The following MPDZ variants were observed in gnomAD, a reference collection of about 807,000 sequenced individuals.
MPDZ encodes multiple PDZ domain crumbs cell polarity complex component, also known as multiple PDZ domain protein.
Under a neutral mutation model 239.1 loss-of-function variants are expected in MPDZ, and 234 were observed. The observed-to-expected ratio is 0.98, with a 90% CI of 0.88 to 1.09. The LOEUF is 1.09. Ranked by LOEUF, MPDZ falls within the 50% of genes least tolerant of loss-of-function variation. MPDZ has a pLI of 0.00. For missense variants in MPDZ, 3,175 were observed against 2,510.0 expected, an observed-to-expected ratio of 1.26 and a Z score of -5.66; for synonymous variants, 1,048 against 881.3, an observed-to-expected ratio of 1.19 and a Z score of -3.35.
rs1183414338 is a variant in MPDZ at position 13,205,102 on chromosome 9, A to G, written c.1480T>C (p.Tyr494His). The change falls in exon 12 of 47, where the codon TAT becomes CAT. Residue 494 changes from tyrosine (Y) to histidine (H), a missense_variant. Physicochemically the swap from Tyr to His is moderately conservative, Grantham distance 83. Transcript: ENST00000319217. ...GATAAAAAATCTTCATCTTTTTCAT[A>G]ATTTTCTTAAAGATAAAAATATTTT... ...PVNASIIKEN[Y>H]EKDEDFLSST... 1.3e-5 allele frequency: 18 copies of G among 1,401,760 alleles called. No individual in the cohort carries two copies. The highest frequency in any genetic ancestry group is 1.7e-5 in the Non-Finnish European group (18 of 1,061,814). The allele number at this position is 1,401,760 out of a possible 1,614,324, so 86.8% of individuals were successfully genotyped here.
chr9:13,241,747 G>T (rs1005311894), intron 3 of MPDZ, among the ~76,000 whole-genome samples: 1 of 152,132 alleles, frequency 6.6e-6, no homozygotes, highest in Non-Finnish European at 1.5e-5. Context: ...AATGATAAAT[G>T]TAAGAAATTA....
chr9:13,150,487 C>A, intron 25 of MPDZ, 24 bp downstream of exon 25: 2 of 1,442,440 alleles, frequency 1.4e-6, no homozygotes, highest in Non-Finnish European at 1.8e-6. Flanking sequence ...CAAATTTTAG[C>A]ACAGAAAGCT....
At chr9:13,190,079 G>C (rs760070322) in intron 16 of MPDZ, 35 bp downstream of exon 16, 1 of 1,555,156 alleles carries the variant, frequency 6.4e-7, no homozygotes, top group Non-Finnish European at 8.8e-7. Context: ...GCAACAATAG[G>C]CCTTTAAAAA....
Position 13,258,942 on chromosome 9 carries a change from T to C in MPDZ, c.-57-8570A>G, listed in dbSNP as rs117321940. 2.0e-5 allele frequency among the ~76,000 whole-genome samples: 3 copies of C among 152,084 alleles called. No homozygotes were observed. In the South Asian group the frequency reaches 6.2e-4, roughly 32 times the overall value. ...TTTCTTTATGAAACTGCCAGATAAATTACCTGAAATGGAAATGCTGTAGTC... is the reference window on the plus strand; with the variant it reads ...TTTCTTTATGAAACTGCCAGATAAACTACCTGAAATGGAAATGCTGTAGTC... On this transcript the variant is annotated intron_variant, in intron 1 of 46. Coordinates refer to ENST00000319217, the MANE Select transcript of MPDZ (RefSeq NM_001378778.1).
At chr9:13,245,800 T>C (rs967217675) in intron 3 of MPDZ, among the ~76,000 whole-genome samples, 1 of 152,176 alleles carries the variant, frequency 6.6e-6, no homozygotes, top group Non-Finnish European at 1.5e-5. Context: ...CATATTCTAC[T>C]TCCATATGGA....
intron 39 of MPDZ, among the ~76,000 whole-genome samples, chr9:13,115,751 C>T (rs902936910): frequency 4.6e-5 from 7 of 151,948 alleles, no homozygotes; most frequent in African/African-American, 1.7e-4. Context: ...CAAGACCATC[C>T]TGGCTAACAT....
In MPDZ at chr9:13,124,524, T is replaced by C. The variant is rs182202622; in HGVS notation, c.4807+692A>G. 4.4e-3 allele frequency among the ~76,000 whole-genome samples: 665 copies of C among 152,288 alleles called. 9 individuals are homozygous for C. The highest frequency in any genetic ancestry group is 0.015 in the African/African-American group (637 of 41,556). On this transcript the variant is annotated intron_variant, in intron 35 of 46. Transcript: ENST00000319217. ...TTTGATGCTGCAGAGCTTGAAACTG[T>C]TTTATTACACACCAGTGTATTCTTT... is the stretch of plus-strand genomic sequence containing the variant.
At position 13,277,056 on chromosome 9, in the gene MPDZ, C is replaced by G. The variant is rs1428601497; in HGVS notation, c.-58+2344G>C. On this transcript the variant is annotated intron_variant, in intron 1 of 46. Coordinates refer to ENST00000319217, the MANE Select transcript of MPDZ (RefSeq NM_001378778.1). ...AATAGCTTCAACTTGTAGAAATATA[C>G]TAAACTCTGAGACCAGCCTCTATTC... 3.3e-5 allele frequency among the ~76,000 whole-genome samples: 5 copies of G among 152,154 alleles called. 1 individual carries two copies. Among genetic ancestry groups the G allele is most frequent in the Non-Finnish European group, 5.9e-5 (4 of 68,036 alleles).
chr9:13,119,889 TTATA>T (rs1406897628), intron 38 of MPDZ: 1 of 508,610 alleles, frequency 2.0e-6, no homozygotes, highest in Non-Finnish European at 3.5e-6. Flanking sequence ...TCTTCATCAT[TTATA>T]TACACTGAGT....
rs201101621 is a variant in MPDZ, at chr9:13,223,710, C to T, written c.394G>A (p.Gly132Ser). Reference sequence around the variant, plus strand: ...AGCTCAAAAACTTCTACATGGCGACCCTGTTTAGGAAACAAAGCAAGAAAT... The same window carrying T: ...AGCTCAAAAACTTCTACATGGCGACTCTGTTTAGGAAACAAAGCAAGAAAT... The part of the protein sequence containing the change: ...FDQLIKNMAQ[G>S]RHVEVFELLK... The change falls in exon 5 of 47, where the codon GGT becomes AGT. Residue 132 changes from glycine (G) to serine (S), a missense_variant and splice_region_variant. Gly to Ser is a moderately conservative substitution (Grantham distance 56). Coordinates refer to ENST00000319217, the MANE Select transcript of MPDZ (RefSeq NM_001378778.1). 322 of 1,594,168 alleles carry T rather than the reference C, an allele frequency of 2.0e-4. 1 individual carries two copies. The highest frequency in any genetic ancestry group is 1.8e-3 in the Middle Eastern group (11 of 5,996).
At chr9:13,168,959 T>C (rs1316298854) in intron 21 of MPDZ, among the ~76,000 whole-genome samples, 1 of 152,162 alleles carries the variant, frequency 6.6e-6, no homozygotes, top group East Asian at 1.9e-4. Flanking sequence ...AAATTCATCA[T>C]GTAAATTAAG....
intron 32 of MPDZ, among the ~76,000 whole-genome samples, chr9:13,128,017 C>A (rs1424952809): frequency 6.6e-6 from 1 of 152,084 alleles, no homozygotes; most frequent in African/African-American, 2.4e-5. Flanking sequence ...ATACTGCTTC[C>A]CATCTTACCC....
Position 13,141,097 on chromosome 9 carries a change from GAA to G in MPDZ, c.3841-950_3841-949del, listed in dbSNP as rs57261600. On this transcript the variant is annotated intron_variant, in intron 27 of 46. Transcript: ENST00000319217. ...CACTTAGGGTCATAGGTCCTATTTCGAAAAAAAAAAAAAAAAGTACTTGGCAT... is the reference window on the plus strand; with the variant it reads ...CACTTAGGGTCATAGGTCCTATTTCGAAAAAAAAAAAAAAGTACTTGGCAT... 2.6e-3 allele frequency among the ~76,000 whole-genome samples: 344 copies of G among 130,054 alleles called. 1 individual carries two copies. The highest frequency in any genetic ancestry group is 7.3e-3 in the African/African-American group (271 of 37,170). 85.3% of individuals were successfully genotyped at this position (130,054 alleles called of 152,430 possible).
chr9:13,227,835 T>C (rs1232906594), intron 3 of MPDZ, among the ~76,000 whole-genome samples: 5 of 152,144 alleles, frequency 3.3e-5, no homozygotes, highest in Admixed American at 1.3e-4. Flanking sequence ...GCAGAGGTTA[T>C]AGAGATCACA....
chr9:13,144,048 TC>T (rs1948112422), intron 26 of MPDZ, among the ~76,000 whole-genome samples: 1 of 152,030 alleles, frequency 6.6e-6, no homozygotes, highest in Admixed American at 6.6e-5. Flanking sequence ...TTATTTTGCA[TC>T]CTAGTAAGGA....
chr9:13,245,794 T>C (rs1966458192), intron 3 of MPDZ, among the ~76,000 whole-genome samples: 1 of 152,180 alleles, frequency 6.6e-6, no homozygotes, highest in Non-Finnish European at 1.5e-5. Flanking sequence ...AGAGCCCATA[T>C]TCTACTTCCA....
intron 39 of MPDZ, among the ~76,000 whole-genome samples, chr9:13,115,922 T>C (rs1437514827): frequency 3.2e-5 from 4 of 124,972 alleles, no homozygotes; most frequent in South Asian, 2.4e-4. Context: ...TCCACCTGGG[T>C]GACAGAGCGA....
chr9:13,201,110 C>A (rs1956336924), intron 12 of MPDZ, among the ~76,000 whole-genome samples: 2 of 151,978 alleles, frequency 1.3e-5, no homozygotes, highest in East Asian at 3.9e-4. Flanking sequence ...TATATATTTA[C>A]AATTGTTATA....
intron 3 of MPDZ, among the ~76,000 whole-genome samples, chr9:13,237,516 T>A (rs1367796430): frequency 1.3e-5 from 2 of 151,366 alleles, no homozygotes; most frequent in Non-Finnish European, 2.9e-5. Context: ...TCAATGATTG[T>A]CTCACAGAAA....
Sources: gnomAD v4.1 joint callset for allele counts (sites outside exome capture counted in the v4.1 genomes callset) on GRCh38, gnomAD v4.1.1 for gene constraint, MANE v1.5 for transcripts, NCBI Gene and HGNC (gene_info 2026-07-23, HGNC 2026-07-21) for gene names.